Variants in DSCAM observed in about 807,000 individuals in gnomAD.
DSCAM encodes DS cell adhesion molecule.
DSCAM carries 47 observed loss-of-function variants against 217.7 expected under a neutral mutation model. The ratio of observed to expected loss-of-function variants is 0.22; its 90% CI spans 0.17 to 0.28. DSCAM has a LOEUF of 0.28. Ranked by LOEUF, DSCAM falls within the 10% of genes least tolerant of loss-of-function variation. DSCAM has a pLI of 1.00. For synonymous variants in DSCAM, 1,056 were observed against 1,015.3 expected, an observed-to-expected ratio of 1.04 and a Z score of -0.76; for missense variants, 2,080 against 2,618.3, an observed-to-expected ratio of 0.79 and a Z score of 4.49.
chr21:40,528,588 T>C (rs2076418309), intron 3 of DSCAM, among the ~76,000 whole-genome samples: 1 of 152,212 alleles, frequency 6.6e-6, no homozygotes, highest in African/African-American at 2.4e-5. Flanking sequence ...GCTAGCACCA[T>C]AGTCTCATAC....
chr21:40,074,717 A>G (rs183623838), intron 27 of DSCAM, among the ~76,000 whole-genome samples: 148 of 152,298 alleles, frequency 9.7e-4, no homozygotes, highest in East Asian at 7.1e-3. Context: ...GAAAGCCACA[A>G]TTGGTGGCTT....
At chr21:40,753,835 A>G (rs2091250891) in intron 1 of DSCAM, among the ~76,000 whole-genome samples, 1 of 152,244 alleles carries the variant, frequency 6.6e-6, no homozygotes. Flanking sequence ...GAATGAAGAC[A>G]AAAATCTGAA....
At chr21:40,211,150 G>A (rs759100215) in intron 11 of DSCAM, among the ~76,000 whole-genome samples, 12 of 152,238 alleles carry the variant, frequency 7.9e-5, no homozygotes, top group Middle Eastern at 3.4e-3. Flanking sequence ...TTCACTAAGC[G>A]TAATGCCCTT....
intron 27 of DSCAM, among the ~76,000 whole-genome samples, chr21:40,073,406 A>C (rs1304517482): frequency 1.3e-5 from 2 of 152,180 alleles, no homozygotes; most frequent in Non-Finnish European, 2.9e-5. Flanking sequence ...TAGTTGTCTA[A>C]TGGTAACAAG....
intron 6 of DSCAM, among the ~76,000 whole-genome samples, chr21:40,340,614 G>T (rs1452698274): frequency 1.3e-5 from 2 of 152,046 alleles, no homozygotes; most frequent in Non-Finnish European, 2.9e-5. Flanking sequence ...TTGCTGGAGG[G>T]GACATCTTTT....
chr21:40,740,132 T>C (rs182260610), intron 1 of DSCAM, among the ~76,000 whole-genome samples: 7 of 152,246 alleles, frequency 4.6e-5, no homozygotes, highest in Admixed American at 4.6e-4. Flanking sequence ...GACAGTGCTC[T>C]GTAAATTTTG....
intron 21 of DSCAM, among the ~76,000 whole-genome samples, chr21:40,091,086 C>T (rs2089603066): frequency 1.3e-5 from 2 of 152,288 alleles, no homozygotes; most frequent in Middle Eastern, 6.8e-3. Flanking sequence ...GTAAGAAAGG[C>T]ATTTAATTAG....
intron 3 of DSCAM, among the ~76,000 whole-genome samples, chr21:40,585,551 T>C (rs1429440486): frequency 1.3e-5 from 2 of 152,182 alleles, no homozygotes; most frequent in African/African-American, 4.8e-5. Context: ...AGAGGATCTA[T>C]TTTTTCTTGT....
At chr21:40,424,511 A>C (rs1335967216) in intron 3 of DSCAM, among the ~76,000 whole-genome samples, 3 of 152,114 alleles carry the variant, frequency 2.0e-5, no homozygotes, top group African/African-American at 7.2e-5. Flanking sequence ...GTGAGCAAGG[A>C]CCTCTCCAGA....
intron 1 of DSCAM, among the ~76,000 whole-genome samples, chr21:40,710,664 TA>T (rs1307116592): frequency 1.3e-5 from 2 of 152,198 alleles, no homozygotes; most frequent in Non-Finnish European, 2.9e-5. Flanking sequence ...TAAGGGCCTA[TA>T]ACAAGTGTTT....
chr21:40,451,930 C>T (rs574735241), intron 3 of DSCAM, among the ~76,000 whole-genome samples: 17 of 152,168 alleles, frequency 1.1e-4, no homozygotes, highest in African/African-American at 4.1e-4. Flanking sequence ...AGGAGGTATT[C>T]CCAGTTCACT....
At chr21:40,039,942 C>A (rs979760257) in intron 32 of DSCAM, among the ~76,000 whole-genome samples, 1 of 152,126 alleles carries the variant, frequency 6.6e-6, no homozygotes, top group Non-Finnish European at 1.5e-5. Context: ...TATCATCTAG[C>A]GTGAAGAGGG....
intron 3 of DSCAM, among the ~76,000 whole-genome samples, chr21:40,408,024 C>T (rs1167381437): frequency 6.6e-6 from 1 of 152,110 alleles, no homozygotes; most frequent in African/African-American, 2.4e-5. Flanking sequence ...GGTGGGTTTA[C>T]ACAGCACTAC....
At chr21:40,146,923 G>T (rs1471059431) in intron 16 of DSCAM, among the ~76,000 whole-genome samples, 1 of 152,096 alleles carries the variant, frequency 6.6e-6, no homozygotes, top group African/African-American at 2.4e-5. Flanking sequence ...TGCAACCACT[G>T]AATTACATTT....
intron 11 of DSCAM, among the ~76,000 whole-genome samples, chr21:40,236,594 G>A (rs1454297134): frequency 2.0e-5 from 3 of 152,166 alleles, no homozygotes; most frequent in Non-Finnish European, 2.9e-5. Context: ...CAGGGGTCAG[G>A]CTGCCCAGAC....
chr21:40,802,837 T>A (rs1428276523), intron 1 of DSCAM, among the ~76,000 whole-genome samples: 1 of 152,162 alleles, frequency 6.6e-6, no homozygotes, highest in Non-Finnish European at 1.5e-5. Flanking sequence ...AGAACCATAT[T>A]CCTTTTCTTT....
At chr21:40,818,280 C>T (rs2091899371) in intron 1 of DSCAM, among the ~76,000 whole-genome samples, 1 of 151,576 alleles carries the variant, frequency 6.6e-6, no homozygotes. Flanking sequence ...GGTGCAGTGG[C>T]TCACGCCTGT....
intron 3 of DSCAM, among the ~76,000 whole-genome samples, chr21:40,387,897 A>G (rs985920016): frequency 2.0e-5 from 3 of 152,208 alleles, no homozygotes; most frequent in Non-Finnish European, 2.9e-5. Context: ...CTTGACATAA[A>G]TATTTATATT....
At chr21:40,478,748 T>C (rs1414474070) in intron 3 of DSCAM, among the ~76,000 whole-genome samples, 3 of 152,196 alleles carry the variant, frequency 2.0e-5, no homozygotes, top group East Asian at 3.8e-4. Flanking sequence ...CCCTGCCTTA[T>C]ACACAGCTTC....
Sources: allele counts gnomAD v4.1 joint callset (sites outside exome capture counted in the v4.1 genomes callset), GRCh38; gene constraint gnomAD v4.1.1; transcripts MANE v1.5; gene names NCBI Gene and HGNC (gene_info 2026-07-23, HGNC 2026-07-21).